The following EPB41L4A variants were observed in gnomAD, a reference collection of about 807,000 sequenced individuals.
EPB41L4A encodes band 4.1-like protein 4A.
A neutral mutation model predicts 108.6 loss-of-function variants in EPB41L4A; 100 were observed. The ratio of observed to expected loss-of-function variants is 0.92; its 90% CI spans 0.78 to 1.09. The LOEUF is 1.09. Among genes scored for constraint, EPB41L4A ranks in the 50% least tolerant of loss-of-function variants. The pLI, the probability that EPB41L4A is intolerant of heterozygous loss-of-function variation, is 0.00. For missense variants in EPB41L4A, 1,030 were observed against 842.7 expected (o/e 1.22, Z -2.75); for synonymous variants, 319 against 289.0 (o/e 1.10, Z -1.05).
At chr5:112,401,334 T>C (rs935098004) in intron 1 of EPB41L4A, among the ~76,000 whole-genome samples, 6 of 152,216 alleles carry the variant, frequency 3.9e-5, no homozygotes, top group Non-Finnish European at 8.8e-5. Flanking sequence ...GCATCAAACA[T>C]GCATTTAACG....
At chr5:112,274,155 C>T (rs1315430091) in intron 4 of EPB41L4A, among the ~76,000 whole-genome samples, 3 of 152,016 alleles carry the variant, frequency 2.0e-5, no homozygotes, top group African/African-American at 7.2e-5. Context: ...TGGCACACAC[C>T]TGTAGTCCCA....
intron 12 of EPB41L4A, among the ~76,000 whole-genome samples, chr5:112,224,841 A>G (rs1399577962): frequency 6.6e-6 from 1 of 152,210 alleles, no homozygotes; most frequent in African/African-American, 2.4e-5. Context: ...AAGAGCCACA[A>G]TCACACTTTT....
chr5:112,221,871 A>T (rs1233030154), intron 12 of EPB41L4A, among the ~76,000 whole-genome samples: 1 of 152,238 alleles, frequency 6.6e-6, no homozygotes, highest in Non-Finnish European at 1.5e-5. Flanking sequence ...AGAAGACTGA[A>T]AACATTAACT....
At chr5:112,342,940 G>A (rs1004385) in intron 1 of EPB41L4A, among the ~76,000 whole-genome samples, 135,510 of 152,262 alleles carry the variant, frequency 0.89, 60,374 homozygotes, top group South Asian at 0.96. Flanking sequence ...TGGATAGAAC[G>A]GTTTCTAAAC....
chr5:112,328,959 C>CA (rs1756372737), intron 1 of EPB41L4A, among the ~76,000 whole-genome samples: 1 of 152,100 alleles, frequency 6.6e-6, no homozygotes, highest in African/African-American at 2.4e-5. Context: ...AAGGTTTAAC[C>CA]AAAATGTACA....
intron 1 of EPB41L4A, among the ~76,000 whole-genome samples, chr5:112,339,522 A>C (rs973091510): frequency 0.089 from 3,201 of 35,778 alleles, 158 homozygotes; most frequent in African/African-American, 0.22. Context: ...ATATATAGAT[A>C]TATATCTATA....
rs1761009844 is a variant in EPB41L4A at position 112,392,400 on chromosome 5, G to GC, written c.99+26540dup. 1.1e-3 allele frequency among the ~76,000 whole-genome samples: 11 copies of GC among 10,446 alleles called. No homozygotes were observed. In the Admixed American group the frequency reaches 0.012, roughly 11 times the overall value. The allele number at this position is 10,446 out of a possible 152,430, so 6.9% of individuals were successfully genotyped here. On this transcript the variant is annotated intron_variant, in intron 1 of 22. Coordinates refer to ENST00000261486, the MANE Select transcript of EPB41L4A (RefSeq NM_022140.5). The stretch of plus-strand genomic sequence containing the variant: ...GGAAGATCTACCAAGCAAATGGAAA[G>GC]CAAAAAAAAAAAAAAAAAAAAAAAG...
chr5:112,356,225 C>CT (rs1057026849), intron 1 of EPB41L4A, among the ~76,000 whole-genome samples: 9 of 152,166 alleles, frequency 5.9e-5, no homozygotes, highest in African/African-American at 2.2e-4. Flanking sequence ...GAATGACCAA[C>CT]TGGAAGACTG....
At chr5:112,305,515 C>A (rs1754628952) in intron 2 of EPB41L4A, among the ~76,000 whole-genome samples, 1 of 152,108 alleles carries the variant, frequency 6.6e-6, no homozygotes, top group South Asian at 2.1e-4. Context: ...GTACTATTTT[C>A]ACACAGGGTT....
rs762385715 is a variant in EPB41L4A, at chr5:112,195,534, C to A, written c.1424+127G>T. The A allele has an allele frequency of 1.3e-5, 10 of 754,084 alleles. No individual in the cohort carries two copies. The South Asian group carries it at 1.6e-4, about 12-fold the overall frequency. 46.7% of individuals were successfully genotyped at this position (754,084 alleles called of 1,614,324 possible). A position where few individuals can be genotyped will look rare whatever the true frequency, so the allele number is the denominator to read the frequency against. On this transcript the variant is annotated intron_variant, in intron 16 of 22. Coordinates refer to ENST00000261486, the MANE Select transcript of EPB41L4A (RefSeq NM_022140.5). ...TGGAAGACTGGGAATCAGCTGAAGA[C>A]AAACTGGCTTTTGAAAGTAAAAAAA... is the stretch of plus-strand genomic sequence containing the variant.
intron 1 of EPB41L4A, among the ~76,000 whole-genome samples, chr5:112,407,914 T>C (rs988197795): frequency 2.0e-5 from 3 of 152,210 alleles, no homozygotes; most frequent in Non-Finnish European, 4.4e-5. Flanking sequence ...GTGAGCAAAA[T>C]ATACAGTGTC....
At chr5:112,295,939 T>C (rs1261035377) in intron 2 of EPB41L4A, among the ~76,000 whole-genome samples, 1 of 152,240 alleles carries the variant, frequency 6.6e-6, no homozygotes, top group African/African-American at 2.4e-5. Flanking sequence ...GGCAACAAAA[T>C]GCTTTGCCTT....
intron 1 of EPB41L4A, among the ~76,000 whole-genome samples, chr5:112,400,336 C>T (rs572564417): frequency 5.6e-5 from 8 of 142,780 alleles, no homozygotes; most frequent in East Asian, 2.1e-4. Flanking sequence ...GATTACAATT[C>T]GAGGTGAGAT....
chr5:112,280,819 C>T (rs1317760612), intron 2 of EPB41L4A, among the ~76,000 whole-genome samples: 1 of 152,128 alleles, frequency 6.6e-6, no homozygotes, highest in Non-Finnish European at 1.5e-5. Context: ...AAATGTCCTC[C>T]AAGTCTCTTT....
At position 112,280,196 on chromosome 5, in the gene EPB41L4A, T is replaced by C. The variant is rs1022734301; in HGVS notation, c.256+76A>G. 9.2e-6 allele frequency: 12 copies of C among 1,301,206 alleles called. No individual in the cohort carries two copies. The African/African-American group carries it at 1.8e-4, about 19-fold the overall frequency. The allele number at this position is 1,301,206 out of a possible 1,614,324, so 80.6% of individuals were successfully genotyped here. A position where few individuals can be genotyped will look rare whatever the true frequency, so the allele number is the denominator to read the frequency against. ...TTCTTTCTCCAGTACTAAAGCCCAC[T>C]TCTGCACCCAACTAATCATGGACTT... On this transcript the variant is annotated intron_variant, in intron 3 of 22. Coordinates refer to ENST00000261486, the MANE Select transcript of EPB41L4A (RefSeq NM_022140.5).
chr5:112,195,823 T>C (rs1761940469), intron 15 of EPB41L4A, 115 bp from the exon 16 acceptor site: 2 of 879,620 alleles, frequency 2.3e-6, no homozygotes, highest in Non-Finnish European at 3.6e-6. Context: ...ATTCATTCAT[T>C]TGCCAAACAT....
In EPB41L4A at chr5:112,152,091, A is replaced by G. The variant is rs17747349; in HGVS notation, n.995-6093T>C. Among the ~76,000 whole-genome samples the G allele has an allele frequency of 1.9e-3, 287 of 152,284 alleles. 9 individuals carry two copies. In the East Asian group the frequency reaches 0.042, roughly 22 times the overall value. On this transcript the variant is annotated intron_variant and non_coding_transcript_variant, in intron 12 of 13. Coordinates refer to the EPB41L4A transcript ENST00000507810. ...AAAATTTGAGAATTCCTGAAAAACT[A>G]TAATTTGGCTACATATAACTTCCAT...
At chr5:112,268,004 T>C (rs551540036) in intron 4 of EPB41L4A, among the ~76,000 whole-genome samples, 1 of 152,356 alleles carries the variant, frequency 6.6e-6, no homozygotes, top group Admixed American at 6.5e-5. Context: ...GAGCATTAAA[T>C]CCACTTGATA....
chr5:112,163,711 G>A lies in EPB41L4A; in HGVS notation c.*1279C>T, dbSNP rs958882486. On this transcript the variant is annotated 3_prime_UTR_variant, in exon 23 of 23. Coordinates refer to ENST00000261486, the MANE Select transcript of EPB41L4A (RefSeq NM_022140.5). ...AAAGATACTGCTTGCAAGAAAACTG[G>A]CTGAGAATGAGAGGAAAATCTTAGT... 1 of 152,182 alleles carries A rather than the reference G, an allele frequency of 6.6e-6. No individual in the cohort carries two copies. The highest frequency in any genetic ancestry group is 1.5e-5 in the Non-Finnish European group (1 of 68,050). The allele number at this position is 152,182 out of a possible 1,614,324, so 9.4% of individuals were successfully genotyped here. A position where few individuals can be genotyped will look rare whatever the true frequency, so the allele number is the denominator to read the frequency against.
Sources: gnomAD v4.1 joint callset for allele counts (sites outside exome capture counted in the v4.1 genomes callset) on GRCh38, gnomAD v4.1.1 for gene constraint, MANE v1.5 for transcripts, NCBI Gene and HGNC (gene_info 2026-07-23, HGNC 2026-07-21) for gene names.